Variants in PLA2R1 observed in about 807,000 individuals in gnomAD.
PLA2R1 encodes the protein phospholipase A2 receptor 1, also known as secretory phospholipase A2 receptor.
In PLA2R1, 158 loss-of-function variants were observed where a neutral mutation model predicts 195.9. That is an observed-to-expected ratio of 0.81 (90% CI 0.71 to 0.92). PLA2R1 has a LOEUF of 0.92. Among genes scored for constraint, PLA2R1 ranks in the 40% least tolerant of loss-of-function variants. The probability of loss-of-function intolerance (pLI) is 0.00; values close to 1 mark genes in which losing one functional copy is unlikely to be tolerated. For missense variants in PLA2R1, 1,626 were observed against 1,764.6 expected (o/e 0.92, Z 1.41); for synonymous variants, 586 against 598.2 (o/e 0.98, Z 0.30).
intron 13 of PLA2R1, among the ~76,000 whole-genome samples, chr2:159,983,444 A>C (rs1690102596): frequency 6.9e-6 from 1 of 145,894 alleles, no homozygotes; most frequent in Admixed American, 6.7e-5. Context: ...AAAAAAAATT[A>C]CTGGGACTCT....
At chr2:159,930,670 A>G (rs1377668489), downstream of PLA2R1, among the ~76,000 whole-genome samples, 1 of 152,162 alleles carries the variant, frequency 6.6e-6, no homozygotes, top group African/African-American at 2.4e-5. Context: ...ACGGAAATGA[A>G]ATGAAGGAAG....
Position 159,947,486 on chromosome 2 carries a change from G to A in PLA2R1, c.3783C>T (p.Cys1261=). The part of the protein sequence containing the change: ...SIPWIKFKSN[C]YSFSTVLDSM... Reference sequence around the variant, plus strand: ...TGTCTAGGACTGTAGAAAAACTGTAGCAATTACTTTTAAATTTTATCCAGG... The same window carrying A: ...TGTCTAGGACTGTAGAAAAACTGTAACAATTACTTTTAAATTTTATCCAGG... Residue 1261 remains cysteine (C), a synonymous_variant, in exon 26 of 30, where the codon TGC becomes TGT. Transcript: ENST00000283243. 1.2e-6 allele frequency: 2 copies of A among 1,612,750 alleles called. No individual in the cohort carries two copies. The highest frequency in any genetic ancestry group is 1.1e-5 in the South Asian group (1 of 91,046).
At chr2:160,058,497 A>T (rs1695722231) in intron 1 of PLA2R1, among the ~76,000 whole-genome samples, 1 of 152,132 alleles carries the variant, frequency 6.6e-6, no homozygotes, top group African/African-American at 2.4e-5. Flanking sequence ...ACGATATATT[A>T]GTGGGGGACC....
intron 23 of PLA2R1, among the ~76,000 whole-genome samples, chr2:159,953,548 C>T (rs969403097): frequency 6.6e-6 from 1 of 152,254 alleles, no homozygotes; most frequent in African/African-American, 2.4e-5. Flanking sequence ...GCTATTACCA[C>T]ATTTTGCAGA....
intron 9 of PLA2R1, among the ~76,000 whole-genome samples, 188 bp from the exon 10 acceptor site, chr2:160,013,563 CATTT>C (rs1692506138): frequency 6.6e-6 from 1 of 152,030 alleles, no homozygotes; most frequent in Non-Finnish European, 1.5e-5. Context: ...CCCACTTCTA[CATTT>C]ATTTAATTTA....
intron 1 of PLA2R1, among the ~76,000 whole-genome samples, 195 bp downstream of exon 1, chr2:160,062,100 C>T (rs1695998770): frequency 6.6e-6 from 1 of 151,980 alleles, no homozygotes; most frequent in Non-Finnish European, 1.5e-5. Context: ...AAGTGGGGTG[C>T]TGGGCCTAGA....
At chr2:159,977,945 A>G (rs1350176906) in intron 14 of PLA2R1, among the ~76,000 whole-genome samples, 1 of 152,092 alleles carries the variant, frequency 6.6e-6, no homozygotes, top group Admixed American at 6.6e-5. Flanking sequence ...AAATAAATAA[A>G]TAAAATAAAA....
At chr2:160,011,427 G>C (rs1487284628) in intron 10 of PLA2R1, among the ~76,000 whole-genome samples, 3 of 152,098 alleles carry the variant, frequency 2.0e-5, no homozygotes, top group African/African-American at 7.2e-5. Context: ...GCATGTCAGT[G>C]TTTAATATGG....
downstream of PLA2R1, among the ~76,000 whole-genome samples, chr2:159,929,999 C>G (rs573776530): frequency 6.6e-6 from 1 of 152,090 alleles, no homozygotes; most frequent in South Asian, 2.1e-4. Context: ...AACCAAACGT[C>G]GTATGTTCTC....
chr2:159,949,653 C>G lies in PLA2R1; in HGVS notation c.3664G>C (p.Ala1222Pro). The G allele has an allele frequency of 6.2e-7, 1 of 1,614,054 alleles. No homozygotes were observed. Among genetic ancestry groups the G allele is most frequent in the Non-Finnish European group, 8.5e-7 (1 of 1,179,920 alleles). ...GCACCTTGCAGAAATGACTCGCAGG[C>G]TGTGCTATGCCAGCGTCCGTTGCTG... ...ADSNGRWHST[A>P]CESFLQGAIC... The change falls in exon 25 of 30, where the codon GCC becomes CCC. Residue 1222 changes from alanine to proline, a missense_variant. Coordinates refer to ENST00000283243, the MANE Select transcript of PLA2R1 (RefSeq NM_007366.5).
At chr2:160,020,795 T>C (rs1258406255) in intron 7 of PLA2R1, among the ~76,000 whole-genome samples, 2 of 152,234 alleles carry the variant, frequency 1.3e-5, no homozygotes, top group South Asian at 2.1e-4. Context: ...CTTTTATTTA[T>C]AAATTACTCA....
chr2:159,999,083 G>A (rs951602421), intron 11 of PLA2R1, among the ~76,000 whole-genome samples: 2 of 152,090 alleles, frequency 1.3e-5, no homozygotes, highest in African/African-American at 2.4e-5. Flanking sequence ...GAGTGTCCTA[G>A]TCTTGTTTTG....
intron 1 of PLA2R1, among the ~76,000 whole-genome samples, chr2:160,047,513 G>A (rs1360631457): frequency 1.3e-5 from 2 of 152,104 alleles, no homozygotes; most frequent in Admixed American, 1.3e-4. Context: ...GCACACAGTG[G>A]GTGCAGACAT....
chr2:160,010,000 C>G (rs992350539), intron 10 of PLA2R1, among the ~76,000 whole-genome samples: 1 of 151,802 alleles, frequency 6.6e-6, no homozygotes, highest in Non-Finnish European at 1.5e-5. Flanking sequence ...GTCCCAACTA[C>G]TTGGGGGGCT....
downstream of PLA2R1, among the ~76,000 whole-genome samples, chr2:159,930,386 A>T (rs574591327): frequency 2.0e-4 from 30 of 150,114 alleles, no homozygotes; most frequent in South Asian, 4.3e-4. Context: ...CCAGCCTGGG[A>T]GACAGAGCGA....
the PLA2R1 span, among the ~76,000 whole-genome samples, chr2:159,924,872 G>T: frequency 4.0e-5 from 6 of 151,568 alleles, no homozygotes; most frequent in African/African-American, 1.5e-4. Context: ...CCTATATTTT[G>T]TTAAGAATAA....
chr2:159,926,643 T>A, the PLA2R1 span, among the ~76,000 whole-genome samples: 168 of 152,192 alleles, frequency 1.1e-3, 8 homozygotes, highest in East Asian at 0.031. Context: ...GCTGTATAAG[T>A]AGGGGCTCTC....
rs1162669945 is a variant in PLA2R1, at chr2:159,976,238, C to G, written c.2438-13G>C. 1 of 1,584,346 alleles carries G rather than the reference C, an allele frequency of 6.3e-7. No homozygotes were observed. Among genetic ancestry groups the G allele is most frequent in the African/African-American group, 1.4e-5 (1 of 73,788 alleles). ...AGCCAGGGTACATCTGAAAAAGAAA[C>G]AGTGAAAATAATGCTGAAATGATAA... is the stretch of plus-strand genomic sequence containing the variant. On this transcript the variant is annotated splice_polypyrimidine_tract_variant and intron_variant, in intron 16 of 29. Transcript: ENST00000283243.
intron 20 of PLA2R1, among the ~76,000 whole-genome samples, chr2:159,957,357 T>C (rs1339252052): frequency 1.3e-5 from 2 of 152,182 alleles, no homozygotes; most frequent in African/African-American, 4.8e-5. Context: ...TTTTCTTTTC[T>C]TTTTAAATTT....
Sources: allele counts gnomAD v4.1 joint callset (sites outside exome capture counted in the v4.1 genomes callset), GRCh38; gene constraint gnomAD v4.1.1; transcripts MANE v1.5; gene names NCBI Gene and HGNC (gene_info 2026-07-23, HGNC 2026-07-21).